Variants in DNASE2B observed in about 807,000 individuals in gnomAD.
DNASE2B encodes deoxyribonuclease 2 beta.
In DNASE2B, 43 loss-of-function variants were observed where a neutral mutation model predicts 46.0. The observed-to-expected ratio is 0.94, with a 90% CI of 0.73 to 1.21. The LOEUF is 1.21. DNASE2B is among the 50% of genes most tolerant of loss of function. The pLI, the probability that DNASE2B is intolerant of heterozygous loss-of-function variation, is 0.00. For synonymous variants in DNASE2B, 156 were observed against 152.5 expected (o/e 1.02, Z -0.17); for missense variants, 395 against 414.4 (o/e 0.95, Z 0.41).
At chr1:84,405,050 T>G (rs1680475106) in intron 2 of DNASE2B, among the ~76,000 whole-genome samples, 1 of 152,150 alleles carries the variant, frequency 6.6e-6, no homozygotes, top group Non-Finnish European at 1.5e-5. Flanking sequence ...ATGATTTTCT[T>G]GATGGCATCT....
rs969481739 is a variant in DNASE2B at position 84,401,934 on chromosome 1, C to G, written c.159C>G (p.Asn53Lys). The change falls in exon 2 of 6, where the codon AAC becomes AAG. Residue 53 changes from asparagine (N) to lysine (K), a missense_variant. Coordinates refer to ENST00000370665, the MANE Select transcript of DNASE2B (RefSeq NM_021233.3). ...TTTATAAGTTACCTAAAAGACAAAA[C>G]AAGGAAAGTGGAGAGACTGGGTTAG... ...FTFYKLPKRQ[N>K]KESGETGLEY... The G allele has an allele frequency of 2.6e-6, 4 of 1,546,786 alleles. No homozygotes were observed. In the African/African-American group the frequency reaches 4.2e-5, roughly 16 times the overall value.
At position 84,414,804 on chromosome 1, in the gene DNASE2B, C is replaced by T. The variant is rs1680666516; in HGVS notation, c.1022C>T (p.Thr341Ile). ...TTCAGAAGTGGAGGATTCATTTGTACCCAGAATTGGCAAATTTACCAAGCA... is the reference window on the plus strand; with the variant it reads ...TTCAGAAGTGGAGGATTCATTTGTATCCAGAATTGGCAAATTTACCAAGCA... ...QAFRSGGFIC[T>I]QNWQIYQAFQ... The change falls in exon 6 of 6, where the codon ACC becomes ATC. Residue 341 changes from threonine to isoleucine, a missense_variant. Coordinates refer to ENST00000370665, the MANE Select transcript of DNASE2B (RefSeq NM_021233.3). The T allele has an allele frequency of 6.2e-7, 1 of 1,614,106 alleles. No homozygotes were observed. The highest frequency in any genetic ancestry group is 1.7e-5 in the Admixed American group (1 of 60,022).
rs369528032 is a variant in DNASE2B at position 84,413,403 on chromosome 1, T to C, written c.745+857T>C. On this transcript the variant is annotated intron_variant, in intron 5 of 5. Coordinates refer to ENST00000370665, the MANE Select transcript of DNASE2B (RefSeq NM_021233.3). ...TGAATAAAATTTACTGAATGCCTAC[T>C]ACTAGCCAAGCCCTGTGTTAGGCAC... Among the ~76,000 whole-genome samples, 15 of 152,306 alleles carry C rather than the reference T, an allele frequency of 9.8e-5. No homozygotes were observed. In the South Asian group the frequency reaches 2.7e-3, roughly 27 times the overall value.
rs774651218 is a variant in DNASE2B at position 84,412,513 on chromosome 1, C to T, written c.712C>T (p.Leu238Phe). 6 of 1,612,538 alleles carry T rather than the reference C, an allele frequency of 3.7e-6. No homozygotes were observed. In the African/African-American group the frequency reaches 8.0e-5, roughly 22 times the overall value. ...TCAGTCGGCCCAGGGACAAAAATTCCTCCATTTTGCAAAGTCGGATTCTTT... is the reference window on the plus strand; with the variant it reads ...TCAGTCGGCCCAGGGACAAAAATTCTTCCATTTTGCAAAGTCGGATTCTTT... ...TLQSAQGQKF[L>F]HFAKSDSFLD... Residue 238 changes from leucine to phenylalanine, a missense_variant, in exon 5 of 6, where the codon CTC (leucine) becomes TTC (phenylalanine). Coordinates refer to ENST00000370665, the MANE Select transcript of DNASE2B (RefSeq NM_021233.3).
chr1:84,414,641 A>C lies in DNASE2B; in HGVS notation c.859A>C (p.Asn287His), dbSNP rs766038489. 10 of 1,614,056 alleles carry C rather than the reference A, an allele frequency of 6.2e-6. No homozygotes were observed. The highest frequency in any genetic ancestry group is 2.2e-5 in the South Asian group (2 of 91,082). The change falls in exon 6 of 6, where the codon AAT becomes CAT. Residue 287 changes from asparagine (N) to histidine (H), a missense_variant. Transcript: ENST00000370665. ...SNCSLPYHVY[N>H]IKAIKLSRHS... ...CTGCTCCCTTCCTTACCATGTCTAC[A>C]ATATAAAAGCAATTAAATTATCACG...
chr1:84,409,565 T>C (rs1169821862), intron 3 of DNASE2B, among the ~76,000 whole-genome samples: 1 of 152,214 alleles, frequency 6.6e-6, no homozygotes, highest in East Asian at 1.9e-4. Context: ...GAATATAGTT[T>C]GTAATGGCTG....
chr1:84,408,152 A>G (rs1981254), intron 2 of DNASE2B: 121,405 of 227,766 alleles, frequency 0.53, 32,527 homozygotes, highest in East Asian at 0.62. Context: ...CTTGGTTCCA[A>G]AACAACCAAG....
chr1:84,400,390 CAAGAAAGAAA>C (rs1680384533), intron 1 of DNASE2B, among the ~76,000 whole-genome samples: 1 of 151,874 alleles, frequency 6.6e-6, no homozygotes, highest in Non-Finnish European at 1.5e-5. Flanking sequence ...AAAAACAAAA[CAAGAAAGAAA>C]AAGAAAGAAA....
At chr1:84,400,548 G>C (rs2101846540) in intron 1 of DNASE2B, among the ~76,000 whole-genome samples, 1 of 152,194 alleles carries the variant, frequency 6.6e-6, no homozygotes, top group South Asian at 2.1e-4. Context: ...TTGAGTTTAG[G>C]TTTCTCTGGA....
At chr1:84,399,770 G>A (rs1445274756) in intron 1 of DNASE2B, among the ~76,000 whole-genome samples, 1 of 152,122 alleles carries the variant, frequency 6.6e-6, no homozygotes, top group African/African-American at 2.4e-5. Flanking sequence ...GACAGCCAAG[G>A]GGTCTGTGTG....
chr1:84,410,021 A>G (rs1421723291), intron 3 of DNASE2B, among the ~76,000 whole-genome samples: 1 of 152,172 alleles, frequency 6.6e-6, no homozygotes, highest in Non-Finnish European at 1.5e-5. Context: ...AAATAACTAG[A>G]AGGCATTTGG....
chr1:84,411,655 C>G (rs933274266), intron 4 of DNASE2B, among the ~76,000 whole-genome samples: 3 of 152,114 alleles, frequency 2.0e-5, no homozygotes, highest in Non-Finnish European at 4.4e-5. Context: ...TTAGATTTGG[C>G]AAACTGTGGT....
At chr1:84,398,862 TGACGGA>T (rs1260791496) in intron 1 of DNASE2B, among the ~76,000 whole-genome samples, 173 bp downstream of exon 1, 1 of 152,088 alleles carries the variant, frequency 6.6e-6, no homozygotes, top group Non-Finnish European at 1.5e-5. Flanking sequence ...GGCTTCTGAG[TGACGGA>T]GTTTCCCCCT....
chr1:84,407,449 A>C (rs1362726094), intron 2 of DNASE2B, among the ~76,000 whole-genome samples: 4 of 152,200 alleles, frequency 2.6e-5, no homozygotes, highest in Admixed American at 2.0e-4. Context: ...AGAATGCTCC[A>C]ACAGACTATG....
chr1:84,407,483 A>G (rs959363982), intron 2 of DNASE2B, among the ~76,000 whole-genome samples: 2 of 152,188 alleles, frequency 1.3e-5, no homozygotes, highest in African/African-American at 4.8e-5. Flanking sequence ...AAAAAATTTT[A>G]TCACATCATA....
chr1:84,410,188 C>A (rs1380542584), intron 3 of DNASE2B, among the ~76,000 whole-genome samples: 1 of 152,080 alleles, frequency 6.6e-6, no homozygotes, highest in African/African-American at 2.4e-5. Context: ...TTTGGTATGT[C>A]ACAAAATGAT....
At chr1:84,413,868 C>T (rs1680644958) in intron 5 of DNASE2B, among the ~76,000 whole-genome samples, 1 of 152,186 alleles carries the variant, frequency 6.6e-6, no homozygotes, top group Admixed American at 6.5e-5. Flanking sequence ...CAGTCACTCC[C>T]CATCTCTTCT....
At chr1:84,407,555 C>A (rs76931276) in intron 2 of DNASE2B, among the ~76,000 whole-genome samples, 90 of 151,818 alleles carry the variant, frequency 5.9e-4, no homozygotes, top group African/African-American at 2.1e-3. Context: ...AAGCAAGGGC[C>A]TTTTTTAAGG....
At chr1:84,398,714 G>A in intron 1 of DNASE2B, 25 bp downstream of exon 1, 1 of 1,612,556 alleles carries the variant, frequency 6.2e-7, no homozygotes, top group South Asian at 1.1e-5. Flanking sequence ...TGGAAGGACT[G>A]CTGCATGCAA....
Sources: gnomAD v4.1 joint callset for allele counts (sites outside exome capture counted in the v4.1 genomes callset) on GRCh38, gnomAD v4.1.1 for gene constraint, MANE v1.5 for transcripts, NCBI Gene and HGNC (gene_info 2026-07-23, HGNC 2026-07-21) for gene names.